The following GRID2 variants were observed in gnomAD, a reference collection of about 807,000 sequenced individuals.
The protein encoded by GRID2 is glutamate receptor ionotropic, delta-2.
Under a neutral mutation model 114.8 loss-of-function variants are expected in GRID2, and 33 were observed. The ratio of observed to expected loss-of-function variants is 0.29; its 90% CI spans 0.22 to 0.38. The LOEUF (loss-of-function observed/expected upper bound fraction) is 0.38. GRID2 is among the 10% of genes least tolerant of loss of function. The pLI is 1.00. For missense variants in GRID2, 1,184 were observed against 1,257.7 expected (o/e 0.94, Z 0.89); for synonymous variants, 505 against 449.9 (o/e 1.12, Z -1.55).
intron 1 of GRID2, among the ~76,000 whole-genome samples, chr4:92,535,365 C>T (rs979412901): frequency 6.6e-6 from 1 of 152,110 alleles, no homozygotes; most frequent in Admixed American, 6.5e-5. Context: ...TCTCTTTCCC[C>T]CAAGTGCTAT....
chr4:92,554,934 T>G (rs546871639), intron 1 of GRID2, among the ~76,000 whole-genome samples: 1 of 152,268 alleles, frequency 6.6e-6, no homozygotes, highest in African/African-American at 2.4e-5. Flanking sequence ...GTAATTGTGT[T>G]TATTGCTCGT....
intron 2 of GRID2, among the ~76,000 whole-genome samples, chr4:92,784,566 T>G (rs1053241671): frequency 9.2e-5 from 14 of 152,062 alleles, no homozygotes; most frequent in African/African-American, 3.4e-4. Context: ...GGTTAAAAAT[T>G]AAATTTTTGA....
At chr4:92,505,609 G>T (rs114296484) in intron 1 of GRID2, among the ~76,000 whole-genome samples, 2,588 of 152,020 alleles carry the variant, frequency 0.017, 40 homozygotes, top group Non-Finnish European at 0.02. Context: ...TATGTTAGGG[G>T]AGTGGAGGAG....
At chr4:92,807,105 A>G (rs1418794711) in intron 2 of GRID2, among the ~76,000 whole-genome samples, 1 of 152,056 alleles carries the variant, frequency 6.6e-6, no homozygotes, top group Admixed American at 6.6e-5. Flanking sequence ...TCCAAATTTC[A>G]GGTTATATGA....
chr4:92,738,942 A>G (rs1349771920), intron 2 of GRID2, among the ~76,000 whole-genome samples: 1 of 152,292 alleles, frequency 6.6e-6, no homozygotes, highest in African/African-American at 2.4e-5. Flanking sequence ...TGCTGGGATT[A>G]CAGGCAGGCG....
At chr4:93,290,030 A>G (rs1271409259) in intron 8 of GRID2, among the ~76,000 whole-genome samples, 4 of 152,222 alleles carry the variant, frequency 2.6e-5, no homozygotes, top group African/African-American at 9.6e-5. Context: ...GCTTAGAGAC[A>G]CAATTATTCC....
chr4:92,564,682 AATCT>A (rs1727252816), intron 1 of GRID2, among the ~76,000 whole-genome samples: 1 of 152,034 alleles, frequency 6.6e-6, no homozygotes, highest in Non-Finnish European at 1.5e-5. Context: ...ACACTAAAAG[AATCT>A]TAAACATTCC....
chr4:92,931,259 G>A (rs931036160), intron 2 of GRID2, among the ~76,000 whole-genome samples: 1 of 150,168 alleles, frequency 6.7e-6, no homozygotes, highest in African/African-American at 2.4e-5. Flanking sequence ...AACTTAATAG[G>A]CATTAAAAAA....
At chr4:92,552,183 G>A (rs1362667146) in intron 1 of GRID2, among the ~76,000 whole-genome samples, 1 of 150,856 alleles carries the variant, frequency 6.6e-6, no homozygotes, top group African/African-American at 2.4e-5. Flanking sequence ...AATGTTAAAA[G>A]ACCAAAGTCA....
At chr4:92,470,207 T>C (rs1223244010) in intron 1 of GRID2, among the ~76,000 whole-genome samples, 1 of 151,964 alleles carries the variant, frequency 6.6e-6, no homozygotes, top group East Asian at 1.9e-4. Flanking sequence ...GATCCTAAGC[T>C]ATAATTGGAT....
chr4:92,656,237 G>A (rs1732227520), intron 2 of GRID2, among the ~76,000 whole-genome samples: 1 of 151,640 alleles, frequency 6.6e-6, no homozygotes. Flanking sequence ...ATGGAAATTT[G>A]TAACAAGGTA....
At chr4:92,871,190 A>G (rs1463696345) in intron 2 of GRID2, among the ~76,000 whole-genome samples, 3 of 152,052 alleles carry the variant, frequency 2.0e-5, no homozygotes, top group Non-Finnish European at 4.4e-5. Flanking sequence ...TGACTTGGTC[A>G]CTAACTTGTT....
chr4:92,688,586 C>T (rs901282813), intron 2 of GRID2, among the ~76,000 whole-genome samples: 29 of 152,204 alleles, frequency 1.9e-4, no homozygotes, highest in African/African-American at 6.7e-4. Flanking sequence ...AATGTAGTGG[C>T]AAAAATCACA....
chr4:93,614,916 C>A (rs1325744802), intron 13 of GRID2, among the ~76,000 whole-genome samples: 1 of 152,170 alleles, frequency 6.6e-6, no homozygotes, highest in Non-Finnish European at 1.5e-5. Context: ...GACAATTTTA[C>A]TCTTTCTTCT....
chr4:93,667,832 T>C (rs1312121197), intron 14 of GRID2, among the ~76,000 whole-genome samples: 1 of 152,070 alleles, frequency 6.6e-6, no homozygotes, highest in Non-Finnish European at 1.5e-5. Context: ...TTTGTTCAAA[T>C]TCGCCATGTG....
At chr4:93,303,311 A>G (rs1432812296) in intron 8 of GRID2, among the ~76,000 whole-genome samples, 3 of 152,230 alleles carry the variant, frequency 2.0e-5, no homozygotes, top group Non-Finnish European at 1.5e-5. Context: ...ATGTCCTAGA[A>G]GCTACAAACG....
At chr4:92,769,628 C>T (rs960950526) in intron 2 of GRID2, among the ~76,000 whole-genome samples, 7 of 152,310 alleles carry the variant, frequency 4.6e-5, no homozygotes, top group Admixed American at 2.6e-4. Context: ...TGGAGGTTCT[C>T]AAACCTCAAG....
At chr4:92,517,422 G>GA (rs1358977648) in intron 1 of GRID2, among the ~76,000 whole-genome samples, 20 of 151,938 alleles carry the variant, frequency 1.3e-4, no homozygotes, top group Non-Finnish European at 2.1e-4. Flanking sequence ...TACCTTTGAG[G>GA]ATATAATGAT....
At chr4:92,571,109 G>T (rs903205453) in intron 1 of GRID2, among the ~76,000 whole-genome samples, 5 of 152,004 alleles carry the variant, frequency 3.3e-5, no homozygotes, top group African/African-American at 1.2e-4. Context: ...TTATTATTTT[G>T]AGGTATGTTC....
Sources: gnomAD v4.1 joint callset for allele counts (sites outside exome capture counted in the v4.1 genomes callset) on GRCh38, gnomAD v4.1.1 for gene constraint, MANE v1.5 for transcripts, NCBI Gene and HGNC (gene_info 2026-07-23, HGNC 2026-07-21) for gene names.